LINGO2: variants seen among roughly 807,000 people sequenced by gnomAD.
LINGO2 encodes leucine-rich repeat and immunoglobulin-like domain-containing nogo receptor-interacting protein 2.
A neutral mutation model predicts 30.6 loss-of-function variants in LINGO2; 14 were observed. The observed-to-expected ratio is 0.46, with a 90% CI of 0.30 to 0.72. The LOEUF (loss-of-function observed/expected upper bound fraction) is 0.72, where lower values mean the gene tolerates loss of function less well. Among genes scored for constraint, LINGO2 ranks in the 30% least tolerant of loss-of-function variants. The probability of loss-of-function intolerance (pLI) is 0.07; values close to 1 mark genes in which losing one functional copy is unlikely to be tolerated. For synonymous variants in LINGO2, 317 were observed against 288.5 expected (o/e 1.10, Z -1.00); for missense variants, 729 against 751.7 (o/e 0.97, Z 0.35).
intron 4 of LINGO2, among the ~76,000 whole-genome samples, chr9:28,192,491 T>C (rs962242652): frequency 1.3e-5 from 2 of 152,138 alleles, no homozygotes; most frequent in African/African-American, 4.8e-5. Flanking sequence ...GTGATTGCAA[T>C]TCTTTCCTAT....
At chr9:28,379,414 T>C (rs10491893) in intron 2 of LINGO2, among the ~76,000 whole-genome samples, 13,473 of 152,146 alleles carry the variant, frequency 0.089, 821 homozygotes, top group Admixed American at 0.15. Flanking sequence ...CAAAGAGCAC[T>C]GTAAATAAAA....
chr9:28,157,827 C>T (rs1171180382), intron 4 of LINGO2, among the ~76,000 whole-genome samples: 1 of 152,304 alleles, frequency 6.6e-6, no homozygotes, highest in South Asian at 2.1e-4. Flanking sequence ...GTCACCTTTG[C>T]TTCAGTTCCC....
chr9:28,977,533 T>C, the LINGO2 span, among the ~76,000 whole-genome samples: 1 of 152,192 alleles, frequency 6.6e-6, no homozygotes, highest in Admixed American at 6.6e-5. Flanking sequence ...ACAATTTAAT[T>C]TTCTGTTAAC....
intron 2 of LINGO2, among the ~76,000 whole-genome samples, chr9:28,427,584 C>T (rs1378053397): frequency 1.3e-5 from 2 of 152,126 alleles, no homozygotes; most frequent in Admixed American, 6.5e-5. Context: ...GGATTTTTCA[C>T]AGATTTGTCT....
intron 5 of LINGO2, among the ~76,000 whole-genome samples, chr9:27,977,335 A>G (rs942013268): frequency 8.6e-5 from 13 of 151,754 alleles, no homozygotes; most frequent in Non-Finnish European, 7.4e-5. Context: ...GGGAATATTC[A>G]CACCTTTTTG....
the LINGO2 span, among the ~76,000 whole-genome samples, chr9:28,907,878 G>A: frequency 6.6e-6 from 1 of 151,366 alleles, no homozygotes; most frequent in Non-Finnish European, 1.5e-5. Context: ...AATTAAAGTG[G>A]CCTTACATCT....
chr9:27,992,595 T>G (rs1308192571), intron 5 of LINGO2, among the ~76,000 whole-genome samples: 1 of 152,072 alleles, frequency 6.6e-6, no homozygotes, highest in African/African-American at 2.4e-5. Flanking sequence ...GAGTGATCAA[T>G]GCAAAACTAA....
At position 28,246,910 on chromosome 9, in the gene LINGO2, AAAAC is replaced by A. The variant is rs1417179505; in HGVS notation, c.-87+48294_-87+48297del. Among the ~76,000 whole-genome samples, 44 of 152,342 alleles carry A rather than the reference AAAAC, an allele frequency of 2.9e-4. 1 individual carries two copies. Among genetic ancestry groups the A allele is most frequent in the South Asian group, 1.0e-3 (5 of 4,828 alleles). ...AGAAACTAAAACAAATTTACAAGAA[AAAAC>A]AAACAAACAACCCTTTTTCAAAGTG... On this transcript the variant is annotated intron_variant, in intron 4 of 5. Coordinates refer to ENST00000379992, the Ensembl canonical transcript of LINGO2.
intron 1 of LINGO2, among the ~76,000 whole-genome samples, chr9:28,654,378 C>T (rs976286357): frequency 2.6e-5 from 4 of 151,948 alleles, no homozygotes; most frequent in African/African-American, 9.7e-5. Context: ...TTAAATCTGA[C>T]ATTGAAGAGT....
intron 1 of LINGO2, among the ~76,000 whole-genome samples, chr9:28,481,771 T>C (rs548129269): frequency 0.015 from 1,814 of 120,196 alleles, 29 homozygotes; most frequent in African/African-American, 0.05. Flanking sequence ...TATCCCTCCC[T>C]CCTCCCCCCA....
chr9:28,043,672 G>C (rs1170578258), intron 4 of LINGO2, among the ~76,000 whole-genome samples: 3 of 152,052 alleles, frequency 2.0e-5, no homozygotes, highest in Admixed American at 2.0e-4. Context: ...TTTCAACAAT[G>C]ATCAAATTTT....
chr9:28,932,504 C>T, the LINGO2 span, among the ~76,000 whole-genome samples: 6 of 152,250 alleles, frequency 3.9e-5, no homozygotes, highest in Admixed American at 6.5e-5. Context: ...CTATGCTAAG[C>T]GTGTTTAAGA....
the LINGO2 span, among the ~76,000 whole-genome samples, chr9:28,875,773 C>T: frequency 6.6e-6 from 1 of 152,074 alleles, no homozygotes; most frequent in African/African-American, 2.4e-5. Context: ...CAGAAAGGTG[C>T]TATTGACTTT....
chr9:28,563,144 C>T (rs1000464243), intron 1 of LINGO2, among the ~76,000 whole-genome samples: 15 of 152,030 alleles, frequency 9.9e-5, no homozygotes, highest in African/African-American at 2.7e-4. Context: ...ACATGCCTGG[C>T]CTGAATAAAA....
At chr9:28,450,179 GA>G (rs1271819986) in intron 2 of LINGO2, among the ~76,000 whole-genome samples, 2 of 152,086 alleles carry the variant, frequency 1.3e-5, no homozygotes, top group Non-Finnish European at 2.9e-5. Context: ...CAGTGCTTCT[GA>G]AATGTAATCT....
At chr9:28,055,835 T>TA (rs1353473941) in intron 4 of LINGO2, among the ~76,000 whole-genome samples, 1 of 152,170 alleles carries the variant, frequency 6.6e-6, no homozygotes, top group Non-Finnish European at 1.5e-5. Flanking sequence ...TCTTCTTGCT[T>TA]AGTCTGTTCA....
At chr9:29,134,349 C>T in the LINGO2 span, among the ~76,000 whole-genome samples, 1 of 152,138 alleles carries the variant, frequency 6.6e-6, no homozygotes, top group Non-Finnish European at 1.5e-5. Flanking sequence ...TTACTTGCTA[C>T]TTAAAACTTT....
At chr9:28,066,042 A>C (rs1263154187) in intron 4 of LINGO2, among the ~76,000 whole-genome samples, 2 of 152,106 alleles carry the variant, frequency 1.3e-5, no homozygotes, top group African/African-American at 4.8e-5. Flanking sequence ...TATGCCAAAA[A>C]AAAGCACATT....
At chr9:28,843,003 G>A in the LINGO2 span, among the ~76,000 whole-genome samples, 2 of 151,796 alleles carry the variant, frequency 1.3e-5, no homozygotes, top group African/African-American at 4.9e-5. Context: ...TATACAATGG[G>A]TGATTTTTTT....
Sources: gnomAD v4.1 joint callset for allele counts (sites outside exome capture counted in the v4.1 genomes callset) on GRCh38, gnomAD v4.1.1 for gene constraint, MANE v1.5 for transcripts, NCBI Gene and HGNC (gene_info 2026-07-23, HGNC 2026-07-21) for gene names.